NCOR2: variants seen among roughly 807,000 people sequenced by gnomAD.
NCOR2 encodes the protein CTG repeat protein 26.
In NCOR2, 81 loss-of-function variants were observed where a neutral mutation model predicts 262.9. The observed-to-expected ratio is 0.31, with a 90% confidence interval of 0.26 to 0.37. The LOEUF (loss-of-function observed/expected upper bound fraction) is 0.37, where lower values mean the gene tolerates loss of function less well. NCOR2 is among the 10% of genes least tolerant of loss of function. The probability of loss-of-function intolerance (pLI) is 1.00; values close to 1 mark genes in which losing one functional copy is unlikely to be tolerated. For missense variants in NCOR2, 3,385 were observed against 3,621.4 expected (o/e 0.93, Z 1.68); for synonymous variants, 1,659 against 1,559.3 (o/e 1.06, Z -1.51).
upstream of NCOR2, among the ~76,000 whole-genome samples, chr12:124,499,001 T>C (rs191778870): frequency 6.6e-6 from 1 of 152,360 alleles, no homozygotes; most frequent in African/African-American, 2.4e-5. Context: ...GAATGAGGCC[T>C]GCTAATGGTT....
At chr12:124,559,382 C>T (rs117539131) in intron 1 of NCOR2, among the ~76,000 whole-genome samples, 258 of 152,250 alleles carry the variant, frequency 1.7e-3, no homozygotes, top group South Asian at 3.3e-3. Flanking sequence ...AAGCAGTTCT[C>T]GAGGGCCCCA....
chr12:124,411,338 G>A (rs958233746), intron 13 of NCOR2, among the ~76,000 whole-genome samples: 2 of 152,204 alleles, frequency 1.3e-5, no homozygotes, highest in Non-Finnish European at 2.9e-5. Flanking sequence ...GGCTTGGGCA[G>A]AGCAGACCCA....
upstream of NCOR2, among the ~76,000 whole-genome samples, chr12:124,495,822 C>A (rs1034918069): frequency 6.6e-6 from 1 of 152,182 alleles, no homozygotes; most frequent in Non-Finnish European, 1.5e-5. The surrounding 1 kb of genome is among the most constrained non-coding windows in gnomAD (Gnocchi z 4.4). Flanking sequence ...GGACCAGGGC[C>A]AGCTCAGGCG....
chr12:124,326,727 C>A (rs1432518540), intron 45 of NCOR2, among the ~76,000 whole-genome samples: 1 of 152,146 alleles, frequency 6.6e-6, no homozygotes, highest in East Asian at 1.9e-4. Context: ...CAGGACCATG[C>A]TAAGGCTAGG....
intron 7 of NCOR2, among the ~76,000 whole-genome samples, chr12:124,449,188 C>T (rs773379139): frequency 1.9e-4 from 29 of 152,160 alleles, no homozygotes; most frequent in Non-Finnish European, 4.0e-4. Flanking sequence ...ATGCTACCAG[C>T]CTCCAGCACC....
intron 4 of NCOR2, among the ~76,000 whole-genome samples, chr12:124,467,811 CCTT>C (rs2136653997): frequency 1.3e-5 from 1 of 78,848 alleles, no homozygotes; most frequent in African/African-American, 4.9e-5. Context: ...TCATCCTCAT[CCTT>C]ATCACCCCCA....
intron 3 of NCOR2, among the ~76,000 whole-genome samples, chr12:124,475,945 C>A (rs917424707): frequency 6.6e-6 from 1 of 152,196 alleles, no homozygotes; most frequent in African/African-American, 2.4e-5. Context: ...GCATAAGCGC[C>A]AAAGCAGCAC....
At chr12:124,388,035 C>T (rs1303386281) in intron 16 of NCOR2, among the ~76,000 whole-genome samples, 4 of 141,270 alleles carry the variant, frequency 2.8e-5, no homozygotes, top group East Asian at 2.0e-4. Flanking sequence ...TAATTAACTC[C>T]GATCATGGGG....
rs115965073 is a variant in NCOR2, at chr12:124,469,806, A to G, written c.591+3146T>C. ...CTCTCTAATGCAAATCAAAACCACA[A>G]TGAGATACCGCTGTACAACCACTAG... On this transcript the variant is annotated intron_variant, in intron 4 of 46. Transcript: ENST00000405201. Among the ~76,000 whole-genome samples the G allele has an allele frequency of 3.5e-3, 538 of 152,330 alleles. 6 individuals are homozygous for G. The highest frequency in any genetic ancestry group is 0.012 in the African/African-American group (514 of 41,586).
At chr12:124,442,638 A>G (rs2044881299) in intron 7 of NCOR2, among the ~76,000 whole-genome samples, 1 of 152,236 alleles carries the variant, frequency 6.6e-6, no homozygotes, top group South Asian at 2.1e-4. Flanking sequence ...ACCGTGGTGA[A>G]GACCATACAA....
rs1266615467 is a variant in NCOR2 at position 124,440,862 on chromosome 12, G to C, written c.816-2866C>G. Among the ~76,000 whole-genome samples the C allele has an allele frequency of 6.6e-6, 1 of 152,170 alleles. No homozygotes were observed. The highest frequency in any genetic ancestry group is 6.5e-5 in the Admixed American group (1 of 15,278). ...CATCAGAAGGACCCGGCTCTGGGAA[G>C]ATCCAGAAGGAAGGGAACTCCAGCT... On this transcript the variant is annotated intron_variant, in intron 7 of 46. Transcript: ENST00000405201. The surrounding 1 kb of genome is among the most constrained non-coding windows in gnomAD (Gnocchi z 5.7).
At chr12:124,325,321 CG>C in exon 47 of NCOR2, 2 of 985,278 alleles carry the variant, frequency 2.0e-6, no homozygotes, top group Non-Finnish European at 2.7e-6. Flanking sequence ...TTGGGGGAGT[CG>C]GCAGCCGCCC....
At chr12:124,387,977 T>A (rs2040942919) in intron 16 of NCOR2, among the ~76,000 whole-genome samples, 1 of 150,472 alleles carries the variant, frequency 6.6e-6, no homozygotes, top group Non-Finnish European at 1.5e-5. Flanking sequence ...CCAAACTCAG[T>A]CAATAAATAA....
At chr12:124,449,815 A>G in exon 7 of NCOR2, 1 of 1,614,024 alleles carries the variant, frequency 6.2e-7, no homozygotes, top group Non-Finnish European at 8.5e-7. Context: ...GAGCACTCAC[A>G]TTTTGATGTT....
chr12:124,356,576 T>A, intron 23 of NCOR2, 66 bp downstream of exon 25: 1 of 1,313,672 alleles, frequency 7.6e-7, no homozygotes, highest in Admixed American at 3.7e-5. Flanking sequence ...TCTGAGCCAG[T>A]GCAAACAGTG....
intron 16 of NCOR2, 109 bp from the exon 19 acceptor site, chr12:124,385,996 G>T (rs1254539597): frequency 1.5e-6 from 2 of 1,369,064 alleles, no homozygotes; most frequent in African/African-American, 1.5e-5. Flanking sequence ...CCCAGCCTGG[G>T]GCTCCCTGCT....
At chr12:124,488,422 T>C (rs2047898111) in intron 1 of NCOR2, among the ~76,000 whole-genome samples, 1 of 152,188 alleles carries the variant, frequency 6.6e-6, no homozygotes, top group African/African-American at 2.4e-5. Context: ...CCTCAGTTTC[T>C]CCTCTTTGAA....
chr12:124,326,936 C>T (rs1334552823), intron 45 of NCOR2, among the ~76,000 whole-genome samples: 1 of 152,216 alleles, frequency 6.6e-6, no homozygotes, highest in African/African-American at 2.4e-5. Flanking sequence ...AGGGCTGAGA[C>T]AGACCCTGGG....
Position 124,441,121 on chromosome 12 carries a change from G to A in NCOR2, c.816-3125C>T, listed in dbSNP as rs1383888287. ...GAAGCAGTGAAGGCCCAGGCGCCAT[G>A]AGCACAGCAGCACCCATATCTCAGC... On this transcript the variant is annotated intron_variant, in intron 7 of 46. Transcript: ENST00000405201. 5.3e-5 allele frequency among the ~76,000 whole-genome samples: 8 copies of A among 152,340 alleles called. No individual in the cohort carries two copies. In the East Asian group the frequency reaches 1.5e-3, roughly 29 times the overall value.
Sources: allele counts gnomAD v4.1 joint callset (sites outside exome capture counted in the v4.1 genomes callset), GRCh38; gene constraint gnomAD v4.1.1; non-coding constraint Gnocchi (gnomAD v3.1); transcripts MANE v1.5; gene names NCBI Gene and HGNC (gene_info 2026-07-23, HGNC 2026-07-21).